Variants in SLC26A5 observed in about 807,000 individuals in gnomAD.
SLC26A5 encodes the protein solute carrier family 26 member 5, also known as prestin.
SLC26A5 carries 51 observed loss-of-function variants against 81.0 expected under a neutral mutation model. The observed-to-expected ratio is 0.63, with a 90% CI of 0.50 to 0.80. SLC26A5 has a LOEUF of 0.80. SLC26A5 is among the 30% of genes least tolerant of loss of function. The pLI is 0.00. For missense variants in SLC26A5, 771 were observed against 905.8 expected (o/e 0.85, Z 1.91); for synonymous variants, 325 against 332.8 (o/e 0.98, Z 0.25).
intron 9 of SLC26A5, among the ~76,000 whole-genome samples, chr7:103,393,741 T>C (rs1822865361): frequency 6.6e-6 from 1 of 152,102 alleles, no homozygotes; most frequent in African/African-American, 2.4e-5. Flanking sequence ...GCTTTTGTGG[T>C]ACATACTTGT....
chr7:103,416,734 C>G (rs1824940680), intron 4 of SLC26A5, among the ~76,000 whole-genome samples: 1 of 151,984 alleles, frequency 6.6e-6, no homozygotes, highest in South Asian at 2.1e-4. Context: ...TTTTCCTGTT[C>G]CACGTGTCTC....
rs997269258 is a variant in SLC26A5 at position 103,363,458 on chromosome 7, T to C, written c.2042-10532A>G. On this transcript the variant is annotated intron_variant, in intron 19 of 19. Transcript: ENST00000339444. ...ACTTCATGTAAGTAGCTGAGTGTTG[T>C]ATTTAAATTTCTTTGTATAAAGATG... is the stretch of plus-strand genomic sequence containing the variant. 5.1e-6 allele frequency: 8 copies of C among 1,582,970 alleles called. No individual in the cohort carries two copies. The African/African-American group carries it at 1.1e-4, about 21-fold the overall frequency.
At chr7:103,383,654 A>T (rs13362833) in intron 14 of SLC26A5, among the ~76,000 whole-genome samples, 3 of 152,102 alleles carry the variant, frequency 2.0e-5, no homozygotes, top group Non-Finnish European at 2.9e-5. Context: ...GTCTTTAAAA[A>T]TTTATTTTTG....
At position 103,380,489 on chromosome 7, in the gene SLC26A5, T is replaced by A; in HGVS notation, c.1575A>T (p.Ala525=). ...TAGAAAAAGGTCCTACCTCCTCATA[T>A]GCGTCTATATCAATATACACATCAG... is the stretch of plus-strand genomic sequence containing the variant. ...PETDVYIDID[A]YEEVKEIPGI... is the part of the protein sequence containing the mutation. The change falls in exon 15 of 20, where the codon GCA becomes GCT. Residue 525 remains alanine, a synonymous_variant. Transcript: ENST00000306312. 1 of 1,613,378 alleles carries A rather than the reference T, an allele frequency of 6.2e-7. No homozygotes were observed. Among genetic ancestry groups the A allele is most frequent in the Non-Finnish European group, 8.5e-7 (1 of 1,179,378 alleles).
intron 19 of SLC26A5, among the ~76,000 whole-genome samples, chr7:103,376,024 T>G (rs976203006): frequency 1.3e-5 from 2 of 152,150 alleles, no homozygotes; most frequent in Non-Finnish European, 2.9e-5. Context: ...CCCAAAGTGC[T>G]GGGATTACAG....
At chr7:103,427,408 G>A (rs146945697) in intron 2 of SLC26A5, among the ~76,000 whole-genome samples, 2 of 152,006 alleles carry the variant, frequency 1.3e-5, no homozygotes, top group African/African-American at 2.4e-5. Flanking sequence ...TAAATTTATC[G>A]TAACTCCCTC....
At chr7:103,378,259 C>T (rs1029626052) in intron 17 of SLC26A5, among the ~76,000 whole-genome samples, 187 bp downstream of exon 17, 1 of 152,084 alleles carries the variant, frequency 6.6e-6, no homozygotes, top group Non-Finnish European at 1.5e-5. Flanking sequence ...GTTTTCCTTA[C>T]TTTTTTCAGA....
intron 8 of SLC26A5, among the ~76,000 whole-genome samples, chr7:103,405,470 G>A (rs1464046182): frequency 6.6e-6 from 1 of 152,126 alleles, no homozygotes; most frequent in Non-Finnish European, 1.5e-5. Flanking sequence ...GGAGTTTGCT[G>A]ACGTCCATTC....
chr7:103,407,005 A>T (rs528474401), intron 8 of SLC26A5, among the ~76,000 whole-genome samples: 1 of 152,328 alleles, frequency 6.6e-6, no homozygotes, highest in East Asian at 1.9e-4. Context: ...AACAAGCCCC[A>T]GGGTGCTAAG....
intron 7 of SLC26A5, among the ~76,000 whole-genome samples, chr7:103,409,078 C>T (rs1407038400): frequency 6.6e-6 from 1 of 152,198 alleles, no homozygotes; most frequent in Non-Finnish European, 1.5e-5. Flanking sequence ...TGTCAAAGTG[C>T]CTTTCCTAGA....
At chr7:103,421,631 A>T (rs1047489681) in intron 2 of SLC26A5, 64 bp from the exon 3 acceptor site, 6 of 1,124,310 alleles carry the variant, frequency 5.3e-6, no homozygotes, top group Admixed American at 1.9e-5. Flanking sequence ...TTTCCTAAGC[A>T]TCTCTTCTTT....
At chr7:103,407,202 C>T (rs1824126443) in intron 8 of SLC26A5, among the ~76,000 whole-genome samples, 1 of 152,178 alleles carries the variant, frequency 6.6e-6, no homozygotes, top group Admixed American at 6.5e-5. Context: ...GAACCACATA[C>T]ATATTCATGT....
chr7:103,441,265 T>A (rs1366639919), intron 2 of SLC26A5, among the ~76,000 whole-genome samples: 2 of 152,226 alleles, frequency 1.3e-5, no homozygotes, highest in Non-Finnish European at 2.9e-5. Flanking sequence ...ACACTGTTTT[T>A]TGTCTTCTAG....
intron 2 of SLC26A5, among the ~76,000 whole-genome samples, chr7:103,442,671 C>T (rs1208374431): frequency 2.0e-5 from 3 of 152,160 alleles, no homozygotes; most frequent in Admixed American, 2.0e-4. Flanking sequence ...TCATTTTATA[C>T]GTAGAAAAAT....
intron 6 of SLC26A5, among the ~76,000 whole-genome samples, chr7:103,410,876 G>A (rs1824434393): frequency 1.3e-5 from 2 of 152,054 alleles, no homozygotes; most frequent in Non-Finnish European, 2.9e-5. Flanking sequence ...TGATTCGCCT[G>A]CCTCAGCCTC....
chr7:103,391,857 G>A (rs1185801043), intron 10 of SLC26A5, 122 bp from the exon 11 acceptor site: 10 of 787,672 alleles, frequency 1.3e-5, no homozygotes, highest in Non-Finnish European at 2.2e-5. Flanking sequence ...CCTTTCAGAT[G>A]TAAGAATTTG....
chr7:103,397,578 G>A (rs1823233301), intron 9 of SLC26A5, among the ~76,000 whole-genome samples: 1 of 148,786 alleles, frequency 6.7e-6, no homozygotes, highest in Non-Finnish European at 1.5e-5. Flanking sequence ...TTAGCCAGGT[G>A]TGGTAGCATA....
At chr7:103,374,141 C>T (rs1331606858), downstream of SLC26A5, 3 of 1,218,512 alleles carry the variant, frequency 2.5e-6, no homozygotes, top group Non-Finnish European at 3.1e-6. Flanking sequence ...CGATGCTTAG[C>T]TTACAAAGAT....
intron 19 of SLC26A5, chr7:103,354,047 A>G: frequency 1.9e-6 from 2 of 1,079,544 alleles, no homozygotes; most frequent in Non-Finnish European, 2.6e-6. Context: ...AATTAGAAGA[A>G]GTTAAGAAAC....
Sources: allele counts gnomAD v4.1 joint callset (sites outside exome capture counted in the v4.1 genomes callset), GRCh38; gene constraint gnomAD v4.1.1; transcripts MANE v1.5; gene names NCBI Gene and HGNC (gene_info 2026-07-23, HGNC 2026-07-21).